PIK3CG: variants seen among roughly 807,000 people sequenced by gnomAD.
The protein encoded by PIK3CG is phosphatidylinositol-4,5-bisphosphate 3-kinase catalytic subunit gamma.
In PIK3CG, 55 loss-of-function variants were observed where a neutral mutation model predicts 102.3. The observed-to-expected ratio is 0.54, with a 90% CI of 0.43 to 0.67. PIK3CG has a LOEUF of 0.67. Among genes scored for constraint, PIK3CG ranks in the 30% least tolerant of loss-of-function variants. PIK3CG has a pLI of 0.00. For missense variants in PIK3CG, 1,258 were observed against 1,391.8 expected, an observed-to-expected ratio of 0.90 and a Z score of 1.53; for synonymous variants, 552 against 540.0, an observed-to-expected ratio of 1.02 and a Z score of -0.31.
In PIK3CG at chr7:106,895,995, C is replaced by G. The variant is rs1022959916; in HGVS notation, c.3031-9114C>G. 1.3e-5 allele frequency among the ~76,000 whole-genome samples: 2 copies of G among 152,190 alleles called. No individual in the cohort carries two copies. Among genetic ancestry groups the G allele is most frequent in the South Asian group, 4.1e-4 (2 of 4,830 alleles). On this transcript the variant is annotated intron_variant, in intron 10 of 10. Transcript: ENST00000496166. This position sits in a 1 kb window ranked among gnomAD's most constrained non-coding sequence, Gnocchi z 5.4. ...CTAAGTGTGTACAGCCCATCAGAAT[C>G]TCGACACTGTGTTTGACAAGCATGG...
At position 106,874,342 on chromosome 7, in the gene PIK3CG, G is replaced by GTTTA. The variant is rs1387787747; in HGVS notation, c.2288-357_2288-354dup. Among the ~76,000 whole-genome samples the GTTTA allele has an allele frequency of 6.6e-6, 1 of 152,198 alleles. No homozygotes were observed. The highest frequency in any genetic ancestry group is 1.9e-4 in the East Asian group (1 of 5,198). Reference sequence around the variant, plus strand: ...TGTCTGTTCCTCAAATCAGATGGTAGTTTAAAGTTTAATGTGCTGGAAAGA... The same window carrying GTTTA: ...TGTCTGTTCCTCAAATCAGATGGTAGTTTATTTAAAGTTTAATGTGCTGGAAAGA... On this transcript the variant is annotated intron_variant, in intron 4 of 10. Coordinates refer to ENST00000496166, the MANE Select transcript of PIK3CG (RefSeq NM_001282426.2). The surrounding 1 kb of genome is among the most constrained non-coding windows in gnomAD (Gnocchi z 4.3).
At position 106,903,623 on chromosome 7, in the gene PIK3CG, T is replaced by A. The variant is rs1334620443; in HGVS notation, c.3031-1486T>A. Among the ~76,000 whole-genome samples, 2 of 151,982 alleles carry A rather than the reference T, an allele frequency of 1.3e-5. No individual in the cohort carries two copies. The highest frequency in any genetic ancestry group is 2.9e-5 in the Non-Finnish European group (2 of 67,978). On this transcript the variant is annotated intron_variant, in intron 10 of 10. Coordinates refer to ENST00000496166, the MANE Select transcript of PIK3CG (RefSeq NM_001282426.2). The surrounding 1 kb of genome is among the most constrained non-coding windows in gnomAD (Gnocchi z 4.3). ...AACTTGTGGATCCTATTTACAGCAT[T>A]CTATTTATTAATTTTTATAAAAACC...
At position 106,883,048 on chromosome 7, in the gene PIK3CG, T is replaced by C. The variant is rs751589329; in HGVS notation, c.2645T>C (p.Val882Ala). 5.6e-5 allele frequency: 90 copies of C among 1,613,928 alleles called. No individual in the cohort carries two copies. The highest frequency in any genetic ancestry group is 7.2e-5 in the Non-Finnish European group (85 of 1,180,000). Residue 882 changes from valine to alanine, a missense_variant, in exon 8 of 11, where the codon GTG (valine) becomes GCG (alanine). This residue lies in a region of PIK3CG where 426 missense variants were observed against 604.2 expected (regional missense o/e 0.71). Transcript: ENST00000496166. The surrounding 1 kb of genome is among the most constrained non-coding windows in gnomAD (Gnocchi z 5.8). Reference sequence around the variant, plus strand: ...CCTTCTGTAGGAATGATCGAGATTGTGAAAGACGCCACGACAATTGCCAAA... The same window carrying C: ...CCTTCTGTAGGAATGATCGAGATTGCGAAAGACGCCACGACAATTGCCAAA... ...TGDKIGMIEI[V>A]KDATTIAKIQ...
chr7:106,869,635 G>A lies in PIK3CG; in HGVS notation c.1995+79G>A. ...ATATGCACAGGCACTCCATTCAGTTGTCATCAAATGCCCTTTGTTCAGAGC... is the reference window on the plus strand; with the variant it reads ...ATATGCACAGGCACTCCATTCAGTTATCATCAAATGCCCTTTGTTCAGAGC... On this transcript the variant is annotated intron_variant, in intron 2 of 10. Transcript: ENST00000496166. This position sits in a 1 kb window ranked among gnomAD's most constrained non-coding sequence, Gnocchi z 5.3. 1 of 1,155,390 alleles carries A rather than the reference G, an allele frequency of 8.7e-7. No individual in the cohort carries two copies. Among genetic ancestry groups the A allele is most frequent in the South Asian group, 1.6e-5 (1 of 62,602 alleles). 71.6% of individuals were successfully genotyped at this position (1,155,390 alleles called of 1,614,324 possible). A position where few individuals can be genotyped will look rare whatever the true frequency, so the allele number is the denominator to read the frequency against.
chr7:106,870,524 G>A (rs1790497931), intron 2 of PIK3CG, among the ~76,000 whole-genome samples: 1 of 152,166 alleles, frequency 6.6e-6, no homozygotes, highest in Non-Finnish European at 1.5e-5. Context: ...CACACAAATA[G>A]ATGTTTAATA....
Position 106,906,652 on chromosome 7 carries a change from TAGAG to T in PIK3CG, c.*1269_*1272del, listed in dbSNP as rs1276990756. On this transcript the variant is annotated 3_prime_UTR_variant, in exon 11 of 11. Coordinates refer to ENST00000496166, the MANE Select transcript of PIK3CG (RefSeq NM_001282426.2). ...ATTTATTGGAGGTATTGTTTAACCT[TAGAG>T]AGACCATTAAATTATTTATAAAATA... The T allele has an allele frequency of 1.3e-5, 3 of 228,948 alleles. No homozygotes were observed. Among genetic ancestry groups the T allele is most frequent in the African/African-American group, 6.6e-5 (3 of 45,136 alleles). The allele number at this position is 228,948 out of a possible 1,614,324, so 14.2% of individuals were successfully genotyped here. A position where few individuals can be genotyped will look rare whatever the true frequency, so the allele number is the denominator to read the frequency against.
rs911379406 is a variant in PIK3CG, at chr7:106,894,190, G to C, written c.3030+7898G>C. On this transcript the variant is annotated intron_variant, in intron 10 of 10. Coordinates refer to ENST00000496166, the MANE Select transcript of PIK3CG (RefSeq NM_001282426.2). This position sits in a 1 kb window ranked among gnomAD's most constrained non-coding sequence, Gnocchi z 4.4. Reference sequence around the variant, plus strand: ...TCTAACTAATGCTATTTTGACTTTTGTATCTCCAAATAGTCCACCTTAAAT... The same window carrying C: ...TCTAACTAATGCTATTTTGACTTTTCTATCTCCAAATAGTCCACCTTAAAT... Among the ~76,000 whole-genome samples, 25 of 151,674 alleles carry C rather than the reference G, an allele frequency of 1.6e-4. No individual in the cohort carries two copies. The highest frequency in any genetic ancestry group is 2.4e-4 in the Non-Finnish European group (16 of 67,942).
At chr7:106,885,354 T>C (rs1175835206) in intron 9 of PIK3CG, among the ~76,000 whole-genome samples, 3 of 152,146 alleles carry the variant, frequency 2.0e-5, no homozygotes, top group African/African-American at 7.2e-5. Flanking sequence ...AAAGAACTCA[T>C]AGATATCCTT....
chr7:106,878,745 T>G (rs1186863595), intron 5 of PIK3CG, among the ~76,000 whole-genome samples: 1 of 152,252 alleles, frequency 6.6e-6, no homozygotes, highest in Non-Finnish European at 1.5e-5. Flanking sequence ...CCTGAATGTT[T>G]AATTTTATAT....
In PIK3CG at chr7:106,869,251, C is replaced by G; in HGVS notation, c.1690C>G (p.Leu564Val). 6.2e-7 allele frequency: 1 copy of G among 1,614,204 alleles called. No homozygotes were observed. The highest frequency in any genetic ancestry group is 8.5e-7 in the Non-Finnish European group (1 of 1,180,034). ...GGAGGCGATCATAGCCACTGATCCA[C>G]TTAACCCTCTCACAGCAGAGGACAA... ...QLEAIIATDP[L>V]NPLTAEDKEL... Residue 564 changes from leucine (L) to valine (V), a missense_variant, in exon 2 of 11, where the codon CTT becomes GTT. Coordinates refer to ENST00000496166, the MANE Select transcript of PIK3CG (RefSeq NM_001282426.2). This position sits in a 1 kb window ranked among gnomAD's most constrained non-coding sequence, Gnocchi z 5.3.
In PIK3CG at chr7:106,889,751, C is replaced by G. The variant is rs139637834; in HGVS notation, c.3030+3459C>G. 1.8e-3 allele frequency among the ~76,000 whole-genome samples: 269 copies of G among 152,286 alleles called. 2 individuals are homozygous for G. Among genetic ancestry groups the G allele is most frequent in the Non-Finnish European group, 3.1e-3 (214 of 68,018 alleles). ...TGGAAGTAAGAGGAACTGAAATAAG[C>G]TCTACTGCATCCCACCTCTCTGCTT... On this transcript the variant is annotated intron_variant, in intron 10 of 10. Transcript: ENST00000496166.
Position 106,882,193 on chromosome 7 carries a change from C to A in PIK3CG, c.2615C>A (p.Thr872Asn). The change falls in exon 7 of 11, where the codon ACT (threonine) becomes AAT (asparagine). Residue 872 changes from threonine to asparagine, a missense_variant. Around this residue, in one of 2 missense-constraint regions of PIK3CG, gnomAD observed 426 missense variants for 604.2 expected, o/e 0.71. Coordinates refer to ENST00000496166, the MANE Select transcript of PIK3CG (RefSeq NM_001282426.2). ...LCLLPYGCIS[T>N]GDKIGMIEIV... The stretch of plus-strand genomic sequence containing the variant: ...CTCCTGCCATATGGTTGCATTTCAA[C>A]TGGTGACAAAATAGGTATGTAGTTA... The A allele has an allele frequency of 6.4e-7, 1 of 1,571,692 alleles. No homozygotes were observed. The highest frequency in any genetic ancestry group is 8.7e-7 in the Non-Finnish European group (1 of 1,155,746).
rs1790458979 is a variant in PIK3CG at position 106,869,536 on chromosome 7, T to C, written c.1975T>C (p.Tyr659His). The C allele has an allele frequency of 1.2e-6, 2 of 1,609,980 alleles. No homozygotes were observed. The highest frequency in any genetic ancestry group is 1.7e-6 in the Non-Finnish European group (2 of 1,177,444). Residue 659 changes from tyrosine to histidine, a missense_variant, in exon 2 of 11, where the codon TAC becomes CAC. Tyr to His is a moderately conservative substitution (Grantham distance 83). Coordinates refer to ENST00000496166, the MANE Select transcript of PIK3CG (RefSeq NM_001282426.2). This position sits in a 1 kb window ranked among gnomAD's most constrained non-coding sequence, Gnocchi z 5.3. ...CTTGGAGGACGATGATGTTCTGCAT[T>C]ACCTTCTACAATTGGTCCAGGTAGG... ...ESLEDDDVLH[Y>H]LLQLVQAVKF...
At chr7:106,876,141 C>G (rs1196671114) in intron 5 of PIK3CG, among the ~76,000 whole-genome samples, 1 of 151,322 alleles carries the variant, frequency 6.6e-6, no homozygotes, top group Admixed American at 6.6e-5. Flanking sequence ...GTCTCGATCT[C>G]CTGACCTCAT....
rs767481671 is a variant in PIK3CG at position 106,905,475 on chromosome 7, A to C, written c.*88A>C. On this transcript the variant is annotated 3_prime_UTR_variant, in exon 11 of 11. Coordinates refer to ENST00000496166, the MANE Select transcript of PIK3CG (RefSeq NM_001282426.2). This position sits in a 1 kb window ranked among gnomAD's most constrained non-coding sequence, Gnocchi z 5.6. ...CGAACTTGGATTTCAAATGCAATAG[A>C]CATTGTGAAAGCTGGCATTTCAGAA... 4.1e-6 allele frequency: 5 copies of C among 1,226,202 alleles called. No individual in the cohort carries two copies. The highest frequency in any genetic ancestry group is 5.7e-6 in the Non-Finnish European group (5 of 871,160). 76.0% of individuals were successfully genotyped at this position (1,226,202 alleles called of 1,614,324 possible). A position where few individuals can be genotyped will look rare whatever the true frequency, so the allele number is the denominator to read the frequency against.
In PIK3CG at chr7:106,867,945, G is replaced by C. The variant is rs201301560; in HGVS notation, c.384G>C (p.Thr128=). Reference sequence around the variant, plus strand: ...ACTGCCTGCGCTACTGGAAGGCCACGCACCGGAGCCCGGGCCAGATCCACC... The same window carrying C: ...ACTGCCTGCGCTACTGGAAGGCCACCCACCGGAGCCCGGGCCAGATCCACC... ...TLDCLRYWKA[T]HRSPGQIHLV... is the part of the protein sequence containing the mutation. The change falls in exon 2 of 11, where the codon ACG becomes ACC. Residue 128 remains threonine (T), a synonymous_variant. Coordinates refer to ENST00000496166, the MANE Select transcript of PIK3CG (RefSeq NM_001282426.2). The surrounding 1 kb of genome is among the most constrained non-coding windows in gnomAD (Gnocchi z 5.1). 6.2e-7 allele frequency: 1 copy of C among 1,613,150 alleles called. No homozygotes were observed. The highest frequency in any genetic ancestry group is 1.7e-5 in the Admixed American group (1 of 60,026).
In PIK3CG at chr7:106,865,382, TAAAC is replaced by T. The variant is rs1274484429; in HGVS notation, c.-53_-50del. The T allele has an allele frequency of 1.3e-5, 2 of 152,222 alleles. No homozygotes were observed. The highest frequency in any genetic ancestry group is 4.8e-5 in the African/African-American group (2 of 41,454). 9.4% of individuals were successfully genotyped at this position (152,222 alleles called of 1,614,324 possible). On this transcript the variant is annotated 5_prime_UTR_variant, in exon 1 of 11. In the 5' UTR this introduces an upstream ATG that the reference lacks. Coordinates refer to ENST00000496166, the MANE Select transcript of PIK3CG (RefSeq NM_001282426.2). ...TTGAATTTGTTTTGTTTTCAAAAAT[TAAAC>T]AAATGATCCTTCAGCATCATCGCCT...
intron 10 of PIK3CG, among the ~76,000 whole-genome samples, chr7:106,886,699 G>T (rs1380685815): frequency 6.6e-6 from 1 of 152,186 alleles, no homozygotes; most frequent in Non-Finnish European, 1.5e-5. Flanking sequence ...ACAAAAGGTT[G>T]TGAGCTTCTC....
At position 106,868,844 on chromosome 7, in the gene PIK3CG, T is replaced by C. The variant is rs1486895030; in HGVS notation, c.1283T>C (p.Leu428Pro). 3 of 1,614,234 alleles carry C rather than the reference T, an allele frequency of 1.9e-6. No homozygotes were observed. The South Asian group carries it at 3.3e-5, about 18-fold the overall frequency. ...ATCAAAGACTTGCCCAAAGGGGCTC[T>C]ACTGAACCTCCAGATCTACTGCGGT... ...IKIKDLPKGA[L>P]LNLQIYCGKA... Residue 428 changes from leucine (L) to proline (P), a missense_variant, in exon 2 of 11, where the codon CTA becomes CCA. Around this residue, in one of 2 missense-constraint regions of PIK3CG, gnomAD observed 832 missense variants for 787.5 expected, o/e 1.06. Coordinates refer to ENST00000496166, the MANE Select transcript of PIK3CG (RefSeq NM_001282426.2). The surrounding 1 kb of genome is among the most constrained non-coding windows in gnomAD (Gnocchi z 6.2).
Sources: allele counts gnomAD v4.1 joint callset (sites outside exome capture counted in the v4.1 genomes callset), GRCh38; gene constraint gnomAD v4.1.1; regional missense constraint gnomAD v4.1.1; non-coding constraint Gnocchi (gnomAD v3.1); transcripts MANE v1.5; gene names NCBI Gene and HGNC (gene_info 2026-07-23, HGNC 2026-07-21).